CYP4X1: variants seen among roughly 807,000 people sequenced by gnomAD.
CYP4X1 encodes cytochrome P450 4X1.
A neutral mutation model predicts 57.9 loss-of-function variants in CYP4X1; 44 were observed. The observed-to-expected ratio is 0.76, with a 90% CI of 0.60 to 0.98. The LOEUF (loss-of-function observed/expected upper bound fraction) is 0.98. CYP4X1 is among the 50% of genes least tolerant of loss of function. CYP4X1 has a pLI of 0.00. For synonymous variants in CYP4X1, 227 were observed against 228.6 expected (o/e 0.99, Z 0.06); for missense variants, 532 against 623.9 (o/e 0.85, Z 1.57).
the CYP4X1 span, among the ~76,000 whole-genome samples, chr1:46,966,677 C>T: frequency 6.6e-6 from 1 of 152,172 alleles, no homozygotes; most frequent in Non-Finnish European, 1.5e-5. Flanking sequence ...TTTCATTTCT[C>T]TTCATGAGTG....
At chr1:46,984,265 C>A in the CYP4X1 span, among the ~76,000 whole-genome samples, 7 of 151,124 alleles carry the variant, frequency 4.6e-5, no homozygotes, top group African/African-American at 1.7e-4. Context: ...GAGCAGTTGT[C>A]TTGTCTCACT....
At chr1:47,005,061 C>T in the CYP4X1 span, among the ~76,000 whole-genome samples, 5 of 152,224 alleles carry the variant, frequency 3.3e-5, no homozygotes, top group Non-Finnish European at 1.5e-5. Context: ...CAGTGTCCAC[C>T]TAAGGTCAGA....
intron 6 of CYP4X1, among the ~76,000 whole-genome samples, chr1:47,037,618 A>G (rs1054424139): frequency 5.9e-5 from 9 of 152,138 alleles, no homozygotes; most frequent in Non-Finnish European, 1.2e-4. Flanking sequence ...TAGGATGTTT[A>G]GCTACATCCC....
chr1:46,967,709 C>G, the CYP4X1 span: 4 of 967,474 alleles, frequency 4.1e-6, no homozygotes. Context: ...TGGTTAGGGA[C>G]CCTCCTGAGA....
At chr1:47,027,409 A>AT (rs1644079519) in intron 1 of CYP4X1, among the ~76,000 whole-genome samples, 1 of 152,192 alleles carries the variant, frequency 6.6e-6, no homozygotes, top group African/African-American at 2.4e-5. Flanking sequence ...TACCTGTGAT[A>AT]TTTTGATACG....
At chr1:47,025,927 C>T (rs1467007235) in intron 1 of CYP4X1, among the ~76,000 whole-genome samples, 1 of 152,074 alleles carries the variant, frequency 6.6e-6, no homozygotes, top group Non-Finnish European at 1.5e-5. Flanking sequence ...AATACTATGT[C>T]GTCTGTTGTT....
At chr1:46,997,497 A>T in the CYP4X1 span, among the ~76,000 whole-genome samples, 6 of 152,112 alleles carry the variant, frequency 3.9e-5, no homozygotes, top group Admixed American at 1.3e-4. Flanking sequence ...CTGTCTGGGG[A>T]ATTATTTCAT....
chr1:47,031,277 T>A (rs1315808266), intron 2 of CYP4X1, among the ~76,000 whole-genome samples, 159 bp from the exon 3 acceptor site: 2 of 152,248 alleles, frequency 1.3e-5, no homozygotes, highest in Non-Finnish European at 2.9e-5. Context: ...AACACAAGTC[T>A]TTCCCCAGGC....
chr1:47,029,839 A>C, intron 1 of CYP4X1, 151 bp from the exon 2 acceptor site: 1 of 759,482 alleles, frequency 1.3e-6, no homozygotes. Flanking sequence ...CCAAGCTTAG[A>C]AGTCCCAAAG....
the CYP4X1 span, among the ~76,000 whole-genome samples, chr1:47,014,410 C>T: frequency 6.6e-6 from 1 of 152,030 alleles, no homozygotes; most frequent in Admixed American, 6.6e-5. Flanking sequence ...AAACCTTAAC[C>T]TTCTTTCACT....
the CYP4X1 span, among the ~76,000 whole-genome samples, chr1:46,990,895 T>C: frequency 6.6e-6 from 1 of 151,462 alleles, no homozygotes; most frequent in Non-Finnish European, 1.5e-5. Context: ...CACTGGGGCC[T>C]GTTGGGGGCG....
At chr1:46,977,680 T>A in the CYP4X1 span, among the ~76,000 whole-genome samples, 1 of 151,660 alleles carries the variant, frequency 6.6e-6, no homozygotes, top group Non-Finnish European at 1.5e-5. Context: ...ATTGTCAGAT[T>A]CACCAAGGTT....
the CYP4X1 span, among the ~76,000 whole-genome samples, chr1:47,008,462 C>T: frequency 1.3e-5 from 2 of 152,130 alleles, no homozygotes; most frequent in Admixed American, 6.5e-5. Context: ...CCAGCCACTG[C>T]AAAAACATGC....
the CYP4X1 span, among the ~76,000 whole-genome samples, chr1:46,965,552 G>A: frequency 6.6e-6 from 1 of 152,190 alleles, no homozygotes; most frequent in African/African-American, 2.4e-5. Flanking sequence ...CACATGTGAA[G>A]GCTGTGAAAC....
Position 47,030,029 on chromosome 1 carries a change from A to G in CYP4X1, c.217A>G (p.Ile73Val). ...TAACATGGAGAAGCTTGAGGAAATT[A>G]TTGAAAAATACCCTCGTGCCTTCCC... is the stretch of plus-strand genomic sequence containing the variant. ...DDNMEKLEEI[I>V]EKYPRAFPFW... Residue 73 changes from isoleucine to valine, a missense_variant, in exon 2 of 12, where the codon ATT becomes GTT. Ile to Val is a conservative substitution (Grantham distance 29). Coordinates refer to ENST00000371901, the MANE Select transcript of CYP4X1 (RefSeq NM_178033.2). The G allele has an allele frequency of 4.3e-6, 7 of 1,614,114 alleles. No homozygotes were observed. Among genetic ancestry groups the G allele is most frequent in the Non-Finnish European group, 5.1e-6 (6 of 1,179,996 alleles).
In CYP4X1 at chr1:47,023,946, G is replaced by A; in HGVS notation, c.129G>A (p.Leu43=). 1 of 1,613,376 alleles carries A rather than the reference G, an allele frequency of 6.2e-7. No individual in the cohort carries two copies. Among genetic ancestry groups the A allele is most frequent in the Non-Finnish European group, 8.5e-7 (1 of 1,179,946 alleles). The change falls in exon 1 of 12, where the codon CTG becomes CTA. Residue 43 remains leucine (L), a synonymous_variant. Transcript: ENST00000371901. ...GGAGGCAGCGGCTGCTGCGGGACCT[G>A]CGCCCCTTCCCAGCGCCCCCCACCC... is the stretch of plus-strand genomic sequence containing the variant. ...YLRRQRLLRD[L]RPFPAPPTHW...
intron 8 of CYP4X1, 64 bp downstream of exon 8, chr1:47,039,596 C>G: frequency 7.1e-7 from 1 of 1,403,138 alleles, no homozygotes; most frequent in Non-Finnish European, 9.6e-7. Flanking sequence ...TTATTTTTTG[C>G]GCTGGTACCT....
chr1:47,048,459 C>T (rs370153959), intron 9 of CYP4X1, 106 bp from the exon 10 acceptor site: 28 of 1,199,902 alleles, frequency 2.3e-5, no homozygotes, highest in East Asian at 1.9e-4. Flanking sequence ...CAGAGCATTG[C>T]CAGGAGCTAG....
intron 1 of CYP4X1, among the ~76,000 whole-genome samples, chr1:47,025,438 A>C (rs1051943641): frequency 6.6e-6 from 1 of 152,214 alleles, no homozygotes; most frequent in African/African-American, 2.4e-5. Context: ...GTACTAAGAC[A>C]ACATCCACCT....
Sources: allele counts gnomAD v4.1 joint callset (sites outside exome capture counted in the v4.1 genomes callset), GRCh38; gene constraint gnomAD v4.1.1; transcripts MANE v1.5; gene names NCBI Gene and HGNC (gene_info 2026-07-23, HGNC 2026-07-21).